ZBTB1: variants seen among roughly 807,000 people sequenced by gnomAD.
ZBTB1 encodes the protein zinc finger and BTB domain containing 1, also known as zinc finger and BTB domain-containing protein 1.
In ZBTB1, 13 loss-of-function variants were observed where a neutral mutation model predicts 51.6. That is an observed-to-expected ratio of 0.25 (90% CI 0.16 to 0.40). The LOEUF (loss-of-function observed/expected upper bound fraction) is 0.40. Among genes scored for constraint, ZBTB1 ranks in the 10% least tolerant of loss-of-function variants. The probability of loss-of-function intolerance (pLI) is 1.00; values close to 1 mark genes in which losing one functional copy is unlikely to be tolerated. For synonymous variants in ZBTB1, 240 were observed against 282.2 expected, an observed-to-expected ratio of 0.85 and a Z score of 1.50; for missense variants, 567 against 856.5, an observed-to-expected ratio of 0.66 and a Z score of 4.22.
chr14:64,517,350 C>CTT (rs1157017217), intron 1 of ZBTB1, among the ~76,000 whole-genome samples: 1 of 152,162 alleles, frequency 6.6e-6, no homozygotes, highest in Non-Finnish European at 1.5e-5. Flanking sequence ...GGCCCATGCT[C>CTT]TTTTCACTTA....
chr14:64,526,316 C>A (rs2079903745), downstream of ZBTB1, among the ~76,000 whole-genome samples: 1 of 152,200 alleles, frequency 6.6e-6, no homozygotes, highest in Non-Finnish European at 1.5e-5. Context: ...TCCCTAATAT[C>A]TCCTTCCTCT....
At chr14:64,512,584 A>C (rs2079736590) in intron 1 of ZBTB1, among the ~76,000 whole-genome samples, 1 of 152,228 alleles carries the variant, frequency 6.6e-6, no homozygotes, top group Admixed American at 6.5e-5. Context: ...TATGTGTTTC[A>C]AGTTCCAAAT....
At chr14:64,509,604 T>C (rs2079702285) in intron 1 of ZBTB1, among the ~76,000 whole-genome samples, 1 of 152,162 alleles carries the variant, frequency 6.6e-6, no homozygotes, top group Non-Finnish European at 1.5e-5. Context: ...GATTGTGATG[T>C]TTTCAGGATT....
Position 64,522,112 on chromosome 14 carries a change from C to A in ZBTB1, c.608C>A (p.Thr203Asn), listed in dbSNP as rs45512391. Residue 203 changes from threonine to asparagine, a missense_variant, in exon 2 of 2, where the codon ACT (threonine) becomes AAT (asparagine). Thr to Asn is a moderately conservative substitution (Grantham distance 65). This residue lies in a region of ZBTB1 where 26 missense variants were observed against 67.0 expected (regional missense o/e 0.39). Transcript: ENST00000683701. The part of the protein sequence containing the change: ...CKKSSVSKLS[T>N]PKERVSRRFG... ...AAAAGTTCCGTGTCCAAATTATCTA[C>A]TCCAAAAGAACGTGTGTCAAGACGC... 0.095 allele frequency: 152,948 copies of A among 1,614,128 alleles called. 9,043 individuals carry two copies. Among genetic ancestry groups the A allele is most frequent in the Admixed American group, 0.25 (15,185 of 60,014 alleles).
intron 1 of ZBTB1, among the ~76,000 whole-genome samples, chr14:64,519,609 T>TA (rs560056405): frequency 0.081 from 10,798 of 133,748 alleles, 411 homozygotes; most frequent in Non-Finnish European, 0.098. Flanking sequence ...ACTAAAATAT[T>TA]AAAAAAAAAA....
chr14:64,521,382 C>G, intron 1 of ZBTB1, 105 bp from the exon 2 acceptor site: 1 of 730,714 alleles, frequency 1.4e-6, no homozygotes, highest in South Asian at 2.3e-5. Flanking sequence ...CTCTTAATTT[C>G]TTGATTGTAA....
chr14:64,505,084 G>C (rs1035334691), intron 1 of ZBTB1, 138 bp downstream of exon 1: 1 of 360,286 alleles, frequency 2.8e-6, no homozygotes, highest in Non-Finnish European at 5.0e-6. Context: ...GACGCGCTGC[G>C]AGGACCCGGT....
At chr14:64,505,584 G>T (rs533361963) in intron 1 of ZBTB1, among the ~76,000 whole-genome samples, 1 of 152,234 alleles carries the variant, frequency 6.6e-6, no homozygotes, top group East Asian at 1.9e-4. Flanking sequence ...TTCGGTAAAT[G>T]TGTTGGATGC....
rs543275915 is a variant in ZBTB1, at chr14:64,510,410, A to G, written c.-19+5464A>G. On this transcript the variant is annotated intron_variant, in intron 1 of 1. Coordinates refer to ENST00000683701, the MANE Select transcript of ZBTB1 (RefSeq NM_001123329.2). ...TGTTCTGATTATTAAAATACAGTGT[A>G]AAAAGTGCAAAATAAAGAGGTAATA... 8.5e-5 allele frequency among the ~76,000 whole-genome samples: 13 copies of G among 152,334 alleles called. No homozygotes were observed. The South Asian group carries it at 2.7e-3, about 32-fold the overall frequency.
intron 1 of ZBTB1, among the ~76,000 whole-genome samples, chr14:64,508,229 T>C (rs974229610): frequency 2.0e-5 from 3 of 152,240 alleles, no homozygotes; most frequent in Non-Finnish European, 4.4e-5. Context: ...GAATTTAAAA[T>C]AGTTTTCAAA....
chr14:64,508,266 C>T (rs1341005761), intron 1 of ZBTB1, among the ~76,000 whole-genome samples: 1 of 152,114 alleles, frequency 6.6e-6, no homozygotes, highest in East Asian at 1.9e-4. Flanking sequence ...AAAGAATTAA[C>T]CAGATTTTCT....
intron 1 of ZBTB1, among the ~76,000 whole-genome samples, chr14:64,517,278 G>GAGGATA (rs1381764510): frequency 1.3e-5 from 2 of 152,136 alleles, no homozygotes; most frequent in East Asian, 3.8e-4. Flanking sequence ...TAGGGTCAAT[G>GAGGATA]AGGATAAGCA....
At chr14:64,516,351 A>G (rs1344702593) in intron 1 of ZBTB1, among the ~76,000 whole-genome samples, 1 of 152,258 alleles carries the variant, frequency 6.6e-6, no homozygotes, top group Non-Finnish European at 1.5e-5. Context: ...GATTGCTATT[A>G]TAAGTTACTG....
rs551775149 is a variant in ZBTB1 at position 64,513,841 on chromosome 14, G to C, written c.-18-7646G>C. 2.3e-4 allele frequency among the ~76,000 whole-genome samples: 35 copies of C among 152,040 alleles called. No homozygotes were observed. The South Asian group carries it at 6.7e-3, about 29-fold the overall frequency. On this transcript the variant is annotated intron_variant, in intron 1 of 1. Coordinates refer to ENST00000683701, the MANE Select transcript of ZBTB1 (RefSeq NM_001123329.2). ...ATGCCCGGCTGATTTTTGTATTTTT[G>C]TAGAGACAGAGTTTCACCATGTTGG...
intron 1 of ZBTB1, among the ~76,000 whole-genome samples, chr14:64,510,783 G>T (rs2079716668): frequency 6.6e-6 from 1 of 152,190 alleles, no homozygotes; most frequent in Non-Finnish European, 1.5e-5. Flanking sequence ...TGGTAGAATA[G>T]TGTGATATGA....
Position 64,504,865 on chromosome 14 carries a change from C to T in ZBTB1, c.-100C>T, listed in dbSNP as rs1006924254. On this transcript the variant is annotated 5_prime_UTR_variant, in exon 1 of 2. Transcript: ENST00000683701. ...CCGCCGCCACTGCAGCTCGCGGCCC[C>T]TTCGCCTTCGCCCGCCTTTCCCGCG... The T allele has an allele frequency of 2.8e-5, 11 of 397,040 alleles. No homozygotes were observed. Among genetic ancestry groups the T allele is most frequent in the Non-Finnish European group, 4.4e-5 (10 of 225,318 alleles). 24.6% of individuals were successfully genotyped at this position (397,040 alleles called of 1,614,324 possible). A position where few individuals can be genotyped will look rare whatever the true frequency, so the allele number is the denominator to read the frequency against.
Position 64,523,828 on chromosome 14 carries a change from ATT to A in ZBTB1, c.*186_*187del, listed in dbSNP as rs2079882264. 7.8e-7 allele frequency: 1 copy of A among 1,280,796 alleles called. No homozygotes were observed. The highest frequency in any genetic ancestry group is 1.0e-6 in the Non-Finnish European group (1 of 999,354). The allele number at this position is 1,280,796 out of a possible 1,614,324, so 79.3% of individuals were successfully genotyped here. On this transcript the variant is annotated 3_prime_UTR_variant, in exon 2 of 2. Transcript: ENST00000683701. The surrounding 1 kb of genome is among the most constrained non-coding windows in gnomAD (Gnocchi z 4.5). ...TACATTTAGGTATTAAATGTTTATC[ATT>A]TTTGTTGTTTCTTAATAGAATTATT...
rs368681831 is a variant in ZBTB1, at chr14:64,509,980, TAA to T, written c.-19+5049_-19+5050del. 1.1e-3 allele frequency among the ~76,000 whole-genome samples: 144 copies of T among 133,354 alleles called. 3 individuals are homozygous for T. The highest frequency in any genetic ancestry group is 3.1e-3 in the African/African-American group (113 of 36,224). The allele number at this position is 133,354 out of a possible 152,430, so 87.5% of individuals were successfully genotyped here. A position where few individuals can be genotyped will look rare whatever the true frequency, so the allele number is the denominator to read the frequency against. ...TGACAGAGCGAGACTCCGTCTCAATTAAAAAAAAAAAAAAAAGTGTAGGATCT... is the reference window on the plus strand; with the variant it reads ...TGACAGAGCGAGACTCCGTCTCAATTAAAAAAAAAAAAAAGTGTAGGATCT... On this transcript the variant is annotated intron_variant, in intron 1 of 1. Transcript: ENST00000683701.
chr14:64,505,297 C>G (rs749436577), intron 1 of ZBTB1: 1 of 173,272 alleles, frequency 5.8e-6, no homozygotes, highest in African/African-American at 2.4e-5. Flanking sequence ...ATTGACGTGC[C>G]TAGAGCCCGC....
Sources: allele counts gnomAD v4.1 joint callset (sites outside exome capture counted in the v4.1 genomes callset), GRCh38; gene constraint gnomAD v4.1.1; regional missense constraint gnomAD v4.1.1; non-coding constraint Gnocchi (gnomAD v3.1); transcripts MANE v1.5; gene names NCBI Gene and HGNC (gene_info 2026-07-23, HGNC 2026-07-21).